The following AGFG1 variants were observed in gnomAD, a reference collection of about 807,000 sequenced individuals.
AGFG1 encodes the protein ArfGAP with FG repeats 1.
AGFG1 carries 10 observed loss-of-function variants against 60.6 expected under a neutral mutation model. The ratio of observed to expected loss-of-function variants is 0.16; its 90% CI spans 0.10 to 0.28. The LOEUF (loss-of-function observed/expected upper bound fraction) is 0.28, where lower values mean the gene tolerates loss of function less well. Ranked by LOEUF, AGFG1 falls within the 10% of genes least tolerant of loss-of-function variation. AGFG1 has a pLI of 1.00. For synonymous variants in AGFG1, 247 were observed against 242.9 expected (o/e 1.02, Z -0.16); for missense variants, 537 against 676.5 (o/e 0.79, Z 2.29).
intron 2 of AGFG1, among the ~76,000 whole-genome samples, chr2:227,515,058 G>A (rs1451152838): frequency 1.3e-5 from 2 of 152,022 alleles, no homozygotes; most frequent in African/African-American, 4.8e-5. Flanking sequence ...GAGTAGCTGG[G>A]ACTACACATG....
chr2:227,547,921 G>A (rs1290011101), intron 10 of AGFG1, among the ~76,000 whole-genome samples: 7 of 152,106 alleles, frequency 4.6e-5, no homozygotes, highest in South Asian at 4.1e-4. Context: ...ATTTATCATC[G>A]CTAAGAAGTA....
chr2:227,547,969 T>C (rs1692703755), intron 10 of AGFG1, among the ~76,000 whole-genome samples: 1 of 152,186 alleles, frequency 6.6e-6, no homozygotes. Flanking sequence ...TGAAACCAAA[T>C]GTCGAATAGT....
At chr2:227,528,150 G>A (rs1168013703) in intron 5 of AGFG1, among the ~76,000 whole-genome samples, 1 of 152,086 alleles carries the variant, frequency 6.6e-6, no homozygotes, top group Non-Finnish European at 1.5e-5. Context: ...AAGCAATAAG[G>A]GAACCTTTTG....
chr2:227,498,288 A>G (rs762908248), intron 2 of AGFG1, among the ~76,000 whole-genome samples: 3 of 152,178 alleles, frequency 2.0e-5, no homozygotes, highest in Non-Finnish European at 4.4e-5. Context: ...TTTAGGGTGG[A>G]GATAAATTTT....
At chr2:227,545,775 C>G (rs887543292) in intron 10 of AGFG1, among the ~76,000 whole-genome samples, 7 of 152,212 alleles carry the variant, frequency 4.6e-5, no homozygotes, top group Non-Finnish European at 8.8e-5. Flanking sequence ...CCCTGTTTGC[C>G]TGGGTATCAC....
intron 1 of AGFG1, among the ~76,000 whole-genome samples, chr2:227,472,985 C>CG (rs1299904378): frequency 7.7e-5 from 5 of 64,730 alleles, no homozygotes; most frequent in Non-Finnish European, 1.3e-4. Flanking sequence ...GCTAGGAGGC[C>CG]GGGGGGGAGG....
chr2:227,477,750 C>A (rs1690328451), intron 1 of AGFG1, among the ~76,000 whole-genome samples: 1 of 152,092 alleles, frequency 6.6e-6, no homozygotes, highest in Non-Finnish European at 1.5e-5. Context: ...GGATTACAGG[C>A]ATGCACCACC....
chr2:227,472,960 G>T (rs1474394497), intron 1 of AGFG1, among the ~76,000 whole-genome samples: 2 of 151,902 alleles, frequency 1.3e-5, no homozygotes, highest in African/African-American at 2.4e-5. Context: ...CGGGCTGTGG[G>T]GGGTGGGGGA....
At chr2:227,504,555 T>C (rs1242665901) in intron 2 of AGFG1, among the ~76,000 whole-genome samples, 1 of 152,196 alleles carries the variant, frequency 6.6e-6, no homozygotes, top group Non-Finnish European at 1.5e-5. Context: ...TTCAAACTCA[T>C]ATTGTCAACT....
chr2:227,510,979 G>C (rs755014010), intron 2 of AGFG1: 64 of 151,544 alleles, frequency 4.2e-4, no homozygotes, highest in Admixed American at 9.8e-4. Flanking sequence ...TATCATTTCT[G>C]TTTCTTTGTA....
intron 2 of AGFG1, among the ~76,000 whole-genome samples, chr2:227,499,889 A>G (rs963728565): frequency 3.3e-5 from 5 of 152,186 alleles, no homozygotes; most frequent in Non-Finnish European, 5.9e-5. Flanking sequence ...TGGGACACGG[A>G]CGCAGCCCGA....
intron 10 of AGFG1, among the ~76,000 whole-genome samples, chr2:227,547,229 G>C (rs1486159746): frequency 6.6e-6 from 1 of 152,126 alleles, no homozygotes; most frequent in South Asian, 2.1e-4. Flanking sequence ...ATACAAAAAA[G>C]GGTTGGAGGT....
chr2:227,487,430 A>G (rs1410973668), intron 1 of AGFG1, among the ~76,000 whole-genome samples: 3 of 152,102 alleles, frequency 2.0e-5, no homozygotes, highest in East Asian at 3.9e-4. Context: ...TGAGAATACT[A>G]TATAATTTTT....
intron 7 of AGFG1, among the ~76,000 whole-genome samples, chr2:227,534,190 T>G (rs1445718789): frequency 6.6e-6 from 1 of 152,168 alleles, no homozygotes; most frequent in Non-Finnish European, 1.5e-5. Context: ...TATAGTCTTG[T>G]ATCCAGTTTT....
intron 10 of AGFG1, among the ~76,000 whole-genome samples, chr2:227,550,287 T>G (rs1692781316): frequency 6.6e-6 from 1 of 152,226 alleles, no homozygotes; most frequent in Non-Finnish European, 1.5e-5. Flanking sequence ...ATGGAAATGT[T>G]TTTAGTGATT....
At chr2:227,551,294 A>G (rs1559202646) in intron 10 of AGFG1, among the ~76,000 whole-genome samples, 1 of 152,076 alleles carries the variant, frequency 6.6e-6, no homozygotes, top group Non-Finnish European at 1.5e-5. Context: ...AGCTGTCTTC[A>G]TTTACCTTCC....
At chr2:227,544,241 G>A (rs758662971) in intron 10 of AGFG1, among the ~76,000 whole-genome samples, 18 of 136,196 alleles carry the variant, frequency 1.3e-4, no homozygotes, top group African/African-American at 4.5e-4. Context: ...TGCAGGCTCC[G>A]CCTCCTGGGT....
At position 227,560,287 on chromosome 2, in the gene AGFG1, A is replaced by G. The variant is rs1286285246; in HGVS notation, c.*5792A>G. 1.3e-5 allele frequency: 2 copies of G among 152,130 alleles called. No individual in the cohort carries two copies. Among genetic ancestry groups the G allele is most frequent in the African/African-American group, 2.4e-5 (1 of 41,452 alleles). 9.4% of individuals were successfully genotyped at this position (152,130 alleles called of 1,614,324 possible). A position where few individuals can be genotyped will look rare whatever the true frequency, so the allele number is the denominator to read the frequency against. On this transcript the variant is annotated 3_prime_UTR_variant, in exon 13 of 13. Coordinates refer to ENST00000310078, the MANE Select transcript of AGFG1 (RefSeq NM_004504.5). ...TGTTATAATGATAATATCCTTATGC[A>G]TATATGAAGATTACTCTTGATTCTG...
At chr2:227,553,673 G>A (rs1482330351) in intron 11 of AGFG1, 31 bp from the exon 12 acceptor site, 15 of 1,543,584 alleles carry the variant, frequency 9.7e-6, no homozygotes, top group Non-Finnish European at 1.3e-5. Context: ...TTGAAGGTAT[G>A]GGTTATAATT....
Sources: allele counts gnomAD v4.1 joint callset (sites outside exome capture counted in the v4.1 genomes callset), GRCh38; gene constraint gnomAD v4.1.1; transcripts MANE v1.5; gene names NCBI Gene and HGNC (gene_info 2026-07-23, HGNC 2026-07-21).